Variants in NTNG2 observed in about 807,000 individuals in gnomAD.
NTNG2 encodes netrin-G2.
Under a neutral mutation model 47.6 loss-of-function variants are expected in NTNG2, and 15 were observed. That is an observed-to-expected ratio of 0.32 (90% CI 0.21 to 0.49). The LOEUF (loss-of-function observed/expected upper bound fraction) is 0.49. Among genes scored for constraint, NTNG2 ranks in the 20% least tolerant of loss-of-function variants. The pLI, the probability that NTNG2 is intolerant of heterozygous loss-of-function variation, is 0.99. For missense variants in NTNG2, 578 were observed against 764.6 expected (o/e 0.76, Z 2.88); for synonymous variants, 307 against 324.6 (o/e 0.95, Z 0.58).
intron 3 of NTNG2, among the ~76,000 whole-genome samples, chr9:132,214,491 T>C (rs1403576845): frequency 6.6e-6 from 1 of 152,124 alleles, no homozygotes; most frequent in Non-Finnish European, 1.5e-5. Flanking sequence ...CCCCTGGAGG[T>C]GAGGCCCGGT....
In NTNG2 at chr9:132,242,152, G is replaced by T. The variant is rs972777528; in HGVS notation, c.*41G>T. On this transcript the variant is annotated 3_prime_UTR_variant, in exon 8 of 8. Coordinates refer to ENST00000393229, the MANE Select transcript of NTNG2 (RefSeq NM_032536.4). This position sits in a 1 kb window ranked among gnomAD's most constrained non-coding sequence, Gnocchi z 5.9. ...CGCTCCCCGCACCCGGAGGCCGGGG[G>T]TCCCGGGGTCCCGGGGCGGGGCCGG... 4 of 967,928 alleles carry T rather than the reference G, an allele frequency of 4.1e-6. No individual in the cohort carries two copies. The highest frequency in any genetic ancestry group is 1.1e-4 in the Admixed American group (2 of 18,952). The allele number at this position is 967,928 out of a possible 1,614,324, so 60.0% of individuals were successfully genotyped here. A position where few individuals can be genotyped will look rare whatever the true frequency, so the allele number is the denominator to read the frequency against.
intron 2 of NTNG2, among the ~76,000 whole-genome samples, chr9:132,175,894 G>T (rs1447089475): frequency 1.3e-5 from 2 of 152,176 alleles, no homozygotes; most frequent in Non-Finnish European, 2.9e-5. Flanking sequence ...GGGAAATCCA[G>T]ATTGGTCAGA....
Position 132,226,763 on chromosome 9 carries a change from C to T in NTNG2, c.858-86C>T, listed in dbSNP as rs1379908278. 7.7e-7 allele frequency: 1 copy of T among 1,299,664 alleles called. No individual in the cohort carries two copies. The highest frequency in any genetic ancestry group is 1.0e-6 in the Non-Finnish European group (1 of 968,808). 80.5% of individuals were successfully genotyped at this position (1,299,664 alleles called of 1,614,324 possible). A position where few individuals can be genotyped will look rare whatever the true frequency, so the allele number is the denominator to read the frequency against. ...GGCAGCCCAACACCCTCCTGGGCCC[C>T]TCCTGGGAGGCGCTCCTTTCCCCAG... On this transcript the variant is annotated intron_variant, in intron 3 of 7. Coordinates refer to ENST00000393229, the MANE Select transcript of NTNG2 (RefSeq NM_032536.4). The surrounding 1 kb of genome is among the most constrained non-coding windows in gnomAD (Gnocchi z 4.8).
At chr9:132,165,859 A>G (rs1835472292) in intron 1 of NTNG2, among the ~76,000 whole-genome samples, 1 of 152,258 alleles carries the variant, frequency 6.6e-6, no homozygotes, top group Non-Finnish European at 1.5e-5. Context: ...CTCTGATATT[A>G]ATAAAAATAA....
rs3739930 is a variant in NTNG2, at chr9:132,198,580, C to T, written c.828C>T (p.Tyr276=). 0.1 allele frequency: 166,322 copies of T among 1,610,572 alleles called. 9,122 individuals carry two copies. The highest frequency in any genetic ancestry group is 0.19 in the Middle Eastern group (1,168 of 6,054). The change falls in exon 3 of 8, where the codon TAC becomes TAT. Residue 276 remains tyrosine, a synonymous_variant. Transcript: ENST00000393229. The part of the protein sequence containing the change: ...VQRENLYKYF[Y]AISNIEVIGR... ...GGGAGAACCTCTACAAGTACTTCTA[C>T]GCCATCTCCAACATCGAGGTCATCG...
intron 2 of NTNG2, among the ~76,000 whole-genome samples, chr9:132,175,627 G>C (rs1356277951): frequency 6.6e-6 from 1 of 152,232 alleles, no homozygotes; most frequent in African/African-American, 2.4e-5. Context: ...TTTTTCATCA[G>C]CAGCAGATTT....
rs200267226 is a variant in NTNG2 at position 132,217,987 on chromosome 9, G to A, written c.858-8862G>A. Among the ~76,000 whole-genome samples, 28 of 152,260 alleles carry A rather than the reference G, an allele frequency of 1.8e-4. No homozygotes were observed. In the East Asian group the frequency reaches 4.8e-3, roughly 26 times the overall value. On this transcript the variant is annotated intron_variant, in intron 3 of 7. Coordinates refer to ENST00000393229, the MANE Select transcript of NTNG2 (RefSeq NM_032536.4). ...TGATGTGGCCGGTGTGGTCCATATC[G>A]CTCCTCAGGGCCAGTGTCACTGGTG... is the stretch of plus-strand genomic sequence containing the variant.
intron 3 of NTNG2, among the ~76,000 whole-genome samples, chr9:132,205,308 G>A (rs936187637): frequency 2.6e-5 from 4 of 152,132 alleles, no homozygotes; most frequent in South Asian, 2.1e-4. Context: ...CACACGCTGC[G>A]ACACAGATGA....
intron 4 of NTNG2, among the ~76,000 whole-genome samples, chr9:132,228,850 G>A (rs750282616): frequency 4.3e-4 from 65 of 152,222 alleles, no homozygotes; most frequent in African/African-American, 7.0e-4. Flanking sequence ...GAGCCACCAC[G>A]TCTGGCCATG....
chr9:132,178,786 CAA>C lies in NTNG2; in HGVS notation c.213+11761_213+11762del, dbSNP rs57942639. ...TGAAACCCCATCTCTACTAAAAATA[CAA>C]AAAAAAAAAAAAAAAAAATTAGCTG... is the stretch of plus-strand genomic sequence containing the variant. On this transcript the variant is annotated intron_variant, in intron 2 of 7. Coordinates refer to ENST00000393229, the MANE Select transcript of NTNG2 (RefSeq NM_032536.4). 5.5e-3 allele frequency among the ~76,000 whole-genome samples: 513 copies of C among 93,530 alleles called. 1 individual carries two copies. The highest frequency in any genetic ancestry group is 0.016 in the African/African-American group (467 of 29,526). The allele number at this position is 93,530 out of a possible 152,430, so 61.4% of individuals were successfully genotyped here.
At position 132,182,173 on chromosome 9, in the gene NTNG2, T is replaced by G. The variant is rs1836996678; in HGVS notation, c.213+15129T>G. ...TTTCATGTCTATTTGGCAGCGAGCG[T>G]GCTCCCACGCACCAGCTCTGGGGAA... is the stretch of plus-strand genomic sequence containing the variant. On this transcript the variant is annotated intron_variant, in intron 2 of 7. Coordinates refer to ENST00000393229, the MANE Select transcript of NTNG2 (RefSeq NM_032536.4). The surrounding 1 kb of genome is among the most constrained non-coding windows in gnomAD (Gnocchi z 4.2). 6.6e-6 allele frequency among the ~76,000 whole-genome samples: 1 copy of G among 152,258 alleles called. No homozygotes were observed. Among genetic ancestry groups the G allele is most frequent in the South Asian group, 2.1e-4 (1 of 4,838 alleles).
chr9:132,234,289 A>G (rs1001693343), intron 5 of NTNG2, among the ~76,000 whole-genome samples: 3 of 152,128 alleles, frequency 2.0e-5, no homozygotes, highest in Non-Finnish European at 4.4e-5. Flanking sequence ...CAGCCTCCCA[A>G]AGTGCTGGGA....
chr9:132,192,759 G>A (rs1447649036), intron 2 of NTNG2, among the ~76,000 whole-genome samples: 1 of 152,214 alleles, frequency 6.6e-6, no homozygotes, highest in Non-Finnish European at 1.5e-5. Flanking sequence ...CAAAATCAGA[G>A]GGGGACAAGG....
chr9:132,186,975 C>T (rs1837438338), intron 2 of NTNG2, among the ~76,000 whole-genome samples: 1 of 152,376 alleles, frequency 6.6e-6, no homozygotes, highest in South Asian at 2.1e-4. Flanking sequence ...GTTGAAAGGC[C>T]TAAAGTGCTC....
chr9:132,187,636 G>A (rs1389838019), intron 2 of NTNG2, among the ~76,000 whole-genome samples: 1 of 152,116 alleles, frequency 6.6e-6, no homozygotes, highest in Non-Finnish European at 1.5e-5. Context: ...GGAGAGCTCA[G>A]AGAGTTAGAG....
At chr9:132,198,789 G>A (rs1411245075) in intron 3 of NTNG2, among the ~76,000 whole-genome samples, 180 bp downstream of exon 3, 1 of 152,000 alleles carries the variant, frequency 6.6e-6, no homozygotes, top group East Asian at 1.9e-4. Flanking sequence ...TTCCCCGGGG[G>A]TTACCTGGTA....
At chr9:132,188,740 A>G (rs1400553482) in intron 2 of NTNG2, among the ~76,000 whole-genome samples, 2 of 152,144 alleles carry the variant, frequency 1.3e-5, no homozygotes, top group Admixed American at 1.3e-4. Flanking sequence ...GGCACTTGCC[A>G]TGGTGCACCT....
intron 3 of NTNG2, among the ~76,000 whole-genome samples, chr9:132,224,242 C>T (rs1369901030): frequency 6.6e-6 from 1 of 152,102 alleles, no homozygotes; most frequent in East Asian, 1.9e-4. Flanking sequence ...ATTTCCCCAC[C>T]CCCCTGCACA....
chr9:132,177,223 A>C (rs13294775), intron 2 of NTNG2, among the ~76,000 whole-genome samples: 3 of 152,100 alleles, frequency 2.0e-5, no homozygotes, highest in Non-Finnish European at 4.4e-5. Flanking sequence ...CTGGCCTCAA[A>C]CGATCTGCCC....
Sources: gnomAD v4.1 joint callset for allele counts (sites outside exome capture counted in the v4.1 genomes callset) on GRCh38, gnomAD v4.1.1 for gene constraint, Gnocchi (gnomAD v3.1) non-coding constraint, MANE v1.5 for transcripts, NCBI Gene and HGNC (gene_info 2026-07-23, HGNC 2026-07-21) for gene names.